Variants in WDTC1 observed in about 807,000 individuals in gnomAD.
WDTC1 encodes WD and tetratricopeptide repeats protein 1.
In WDTC1, 12 loss-of-function variants were observed where a neutral mutation model predicts 76.0. That is an observed-to-expected ratio of 0.16 (90% CI 0.10 to 0.26). The LOEUF (loss-of-function observed/expected upper bound fraction) is 0.26. Ranked by LOEUF, WDTC1 falls within the 10% of genes least tolerant of loss-of-function variation. The pLI, the probability that WDTC1 is intolerant of heterozygous loss-of-function variation, is 1.00. For missense variants in WDTC1, 511 were observed against 908.8 expected, an observed-to-expected ratio of 0.56 and a Z score of 5.63; for synonymous variants, 326 against 350.8, an observed-to-expected ratio of 0.93 and a Z score of 0.79.
intron 6 of WDTC1, among the ~76,000 whole-genome samples, chr1:27,291,615 C>CCTTTACTGCGTGGATGAGA (rs2013538396): frequency 6.6e-6 from 1 of 152,170 alleles, no homozygotes; most frequent in African/African-American, 2.4e-5. Flanking sequence ...TTTGGCATTA[C>CCTTTACTGCGTGGATGAGA]CTTTACTGCG....
chr1:27,275,335 G>T (rs1378099429), intron 3 of WDTC1, among the ~76,000 whole-genome samples: 1 of 152,052 alleles, frequency 6.6e-6, no homozygotes, highest in East Asian at 1.9e-4. Context: ...ACAAAGACTT[G>T]TCAGAGCTTT....
At chr1:27,279,423 A>T (rs531487955) in intron 3 of WDTC1, among the ~76,000 whole-genome samples, 2 of 152,284 alleles carry the variant, frequency 1.3e-5, no homozygotes, top group South Asian at 4.2e-4. Context: ...CTCTAGTCCC[A>T]GCTACTCAGG....
rs751239265 is a variant in WDTC1 at position 27,287,663 on chromosome 1, C to A, written c.292-11C>A. The A allele has an allele frequency of 1.2e-6, 2 of 1,611,230 alleles. No individual in the cohort carries two copies. The highest frequency in any genetic ancestry group is 1.7e-6 in the Non-Finnish European group (2 of 1,178,830). ...TTACCACCCACCCCTTCCTCCATTTCTCCTATATAGTTCCTGCCTCACGCT... is the reference window on the plus strand; with the variant it reads ...TTACCACCCACCCCTTCCTCCATTTATCCTATATAGTTCCTGCCTCACGCT... On this transcript the variant is annotated splice_polypyrimidine_tract_variant and intron_variant, in intron 5 of 15. Transcript: ENST00000319394.
intron 12 of WDTC1, among the ~76,000 whole-genome samples, chr1:27,300,306 G>A (rs2013799563): frequency 6.6e-6 from 1 of 151,948 alleles, no homozygotes; most frequent in Admixed American, 6.6e-5. Flanking sequence ...GCACAGTTGG[G>A]TCCTAGGCCT....
chr1:27,257,103 C>G (rs1404128436), intron 1 of WDTC1, among the ~76,000 whole-genome samples: 1 of 152,230 alleles, frequency 6.6e-6, no homozygotes, highest in Admixed American at 6.5e-5. Context: ...ACCTCGTGAT[C>G]CGCCCACCTC....
At chr1:27,295,458 GTTT>G (rs1052019497) in intron 9 of WDTC1, among the ~76,000 whole-genome samples, 1 of 142,714 alleles carries the variant, frequency 7.0e-6, no homozygotes, top group Non-Finnish European at 1.5e-5. Flanking sequence ...CGTGTTTTTT[GTTT>G]TTTTTTTTTG....
intron 5 of WDTC1, among the ~76,000 whole-genome samples, chr1:27,285,028 C>CTTTTT (rs758125297): frequency 3.4e-5 from 4 of 117,044 alleles, no homozygotes; most frequent in Non-Finnish European, 5.4e-5. Context: ...AGACCTTGGT[C>CTTTTT]TTTTTTTTTT....
rs150650720 is a variant in WDTC1 at position 27,239,881 on chromosome 1, C to T, written c.-100+4930C>T. Among the ~76,000 whole-genome samples the T allele has an allele frequency of 3.0e-3, 458 of 150,776 alleles. 4 individuals carry two copies. The highest frequency in any genetic ancestry group is 9.1e-3 in the African/African-American group (372 of 41,092). ...TTGAATATTTAGTATATACCAGGCA[C>T]TTGCTAGATACTTTTTCTTTCTTTT... On this transcript the variant is annotated intron_variant, in intron 1 of 15. Transcript: ENST00000319394.
Position 27,294,069 on chromosome 1 carries a change from A to T in WDTC1, c.710A>T (p.Asp237Val). ...TCAGCGGGTGTGCACACCTTCTGTG[A>T]CCGGCAGAAACCCCTTCCGGACGGT... Reference protein sequence around the residue: ...SPSAGVHTFCDRQKPLPDGAA... With the variant: ...SPSAGVHTFCVRQKPLPDGAA... The change falls in exon 8 of 16, where the codon GAC (aspartate) becomes GTC (valine). Residue 237 changes from aspartate (D) to valine (V), a missense_variant. By Grantham distance (152) the Asp-to-Val change is radical. Coordinates refer to ENST00000319394, the MANE Select transcript of WDTC1 (RefSeq NM_001276252.2). 6.2e-7 allele frequency: 1 copy of T among 1,614,146 alleles called. No homozygotes were observed. The highest frequency in any genetic ancestry group is 8.5e-7 in the Non-Finnish European group (1 of 1,180,012).
At chr1:27,286,473 T>TG (rs1384044887) in intron 5 of WDTC1, among the ~76,000 whole-genome samples, 2 of 142,486 alleles carry the variant, frequency 1.4e-5, no homozygotes, top group Admixed American at 6.9e-5. Context: ...TTTCCTTTTT[T>TG]TTTTTTTTTT....
chr1:27,294,151 G>A (rs540959951), intron 8 of WDTC1, 35 bp downstream of exon 8: 25 of 1,601,412 alleles, frequency 1.6e-5, no homozygotes, highest in South Asian at 1.2e-4. Context: ...CCAAACTCTC[G>A]GCTAGATGCT....
At chr1:27,285,787 C>T (rs1488392467) in intron 5 of WDTC1, among the ~76,000 whole-genome samples, 1 of 151,576 alleles carries the variant, frequency 6.6e-6, no homozygotes, top group Non-Finnish European at 1.5e-5. Flanking sequence ...AGGGTTTCTC[C>T]ATGTTGGTAA....
chr1:27,304,864 A>C (rs924620223), intron 14 of WDTC1, 137 bp from the exon 15 acceptor site: 3 of 845,528 alleles, frequency 3.5e-6, no homozygotes, highest in Non-Finnish European at 5.3e-6. Context: ...ATTCTGGGTC[A>C]AGTGCACACC....
intron 5 of WDTC1, among the ~76,000 whole-genome samples, chr1:27,286,266 G>A (rs2013333142): frequency 1.3e-5 from 2 of 150,210 alleles, no homozygotes; most frequent in Admixed American, 6.6e-5. Context: ...GCCCCCCAAA[G>A]TGTTGGGATT....
rs1435627123 is a variant in WDTC1, at chr1:27,306,557, G to A, written c.*174G>A. 13 of 803,934 alleles carry A rather than the reference G, an allele frequency of 1.6e-5. No homozygotes were observed. Among genetic ancestry groups the A allele is most frequent in the Non-Finnish European group, 1.9e-5 (10 of 523,438 alleles). 49.8% of individuals were successfully genotyped at this position (803,934 alleles called of 1,614,324 possible). A position where few individuals can be genotyped will look rare whatever the true frequency, so the allele number is the denominator to read the frequency against. ...AGGTTGCTACAACTTGCTGGCTTTC[G>A]GACTCTGGGCTGATTGTCCCCTGAC... On this transcript the variant is annotated 3_prime_UTR_variant, in exon 16 of 16. Coordinates refer to ENST00000319394, the MANE Select transcript of WDTC1 (RefSeq NM_001276252.2). This position sits in a 1 kb window ranked among gnomAD's most constrained non-coding sequence, Gnocchi z 5.0.
At chr1:27,287,097 A>T (rs905356000) in intron 5 of WDTC1, among the ~76,000 whole-genome samples, 2 of 151,536 alleles carry the variant, frequency 1.3e-5, no homozygotes, top group African/African-American at 4.8e-5. Context: ...CGGGAGGTGG[A>T]AGTTGCAGTG....
intron 1 of WDTC1, chr1:27,255,535 CA>C (rs1399847500): frequency 6.6e-6 from 1 of 152,110 alleles, no homozygotes; most frequent in Non-Finnish European, 1.5e-5. Context: ...TGTGAATAAT[CA>C]ATTGAGATAA....
chr1:27,254,690 T>G (rs2012216391), intron 1 of WDTC1, among the ~76,000 whole-genome samples: 1 of 152,136 alleles, frequency 6.6e-6, no homozygotes, highest in Non-Finnish European at 1.5e-5. Flanking sequence ...TGGAATGCAG[T>G]GGCGCAATCT....
At chr1:27,293,292 C>T (rs1452003792) in intron 7 of WDTC1, among the ~76,000 whole-genome samples, 1 of 150,972 alleles carries the variant, frequency 6.6e-6, no homozygotes, top group African/African-American at 2.4e-5. Flanking sequence ...ATTAGCCGGG[C>T]GTGGTGGCGG....
Sources: allele counts gnomAD v4.1 joint callset (sites outside exome capture counted in the v4.1 genomes callset), GRCh38; gene constraint gnomAD v4.1.1; non-coding constraint Gnocchi (gnomAD v3.1); transcripts MANE v1.5; gene names NCBI Gene and HGNC (gene_info 2026-07-23, HGNC 2026-07-21).